ANKS1B: variants seen among roughly 807,000 people sequenced by gnomAD.
ANKS1B encodes ankyrin repeat and sterile alpha motif domain-containing protein 1B.
A neutral mutation model predicts 148.3 loss-of-function variants in ANKS1B; 36 were observed. That is an observed-to-expected ratio of 0.24 (90% CI 0.19 to 0.32). The LOEUF (loss-of-function observed/expected upper bound fraction) is 0.32, where lower values mean the gene tolerates loss of function less well. ANKS1B is among the 10% of genes least tolerant of loss of function. ANKS1B has a pLI of 1.00. For synonymous variants in ANKS1B, 542 were observed against 560.8 expected (o/e 0.97, Z 0.47); for missense variants, 1,157 against 1,542.6 (o/e 0.75, Z 4.19).
intron 12 of ANKS1B, among the ~76,000 whole-genome samples, chr12:99,314,750 C>A (rs186579941): frequency 1.4e-4 from 22 of 152,220 alleles, no homozygotes; most frequent in African/African-American, 5.1e-4. Context: ...TTCCTTATAC[C>A]TTTTATAAAA....
chr12:99,611,185 T>G (rs950099994), intron 9 of ANKS1B, among the ~76,000 whole-genome samples: 10 of 152,130 alleles, frequency 6.6e-5, no homozygotes, highest in African/African-American at 2.4e-4. Flanking sequence ...CGTAATACTA[T>G]TTAGGCAATG....
chr12:99,091,748 AG>A (rs1281315874), intron 15 of ANKS1B, among the ~76,000 whole-genome samples: 3 of 152,116 alleles, frequency 2.0e-5, no homozygotes, highest in African/African-American at 7.2e-5. Context: ...TTACTGTGTC[AG>A]GCACTGTTCT....
At chr12:99,944,426 C>G (rs922897816) in intron 1 of ANKS1B, among the ~76,000 whole-genome samples, 1 of 152,184 alleles carries the variant, frequency 6.6e-6, no homozygotes, top group Admixed American at 6.5e-5. Context: ...TCAGGGTTCC[C>G]ATGAAAATCA....
chr12:99,494,827 C>T (rs548026070), intron 10 of ANKS1B, among the ~76,000 whole-genome samples: 9 of 151,178 alleles, frequency 6.0e-5, no homozygotes, highest in East Asian at 5.8e-4. Flanking sequence ...AAAGACCTGG[C>T]GCATAGAAGA....
intron 12 of ANKS1B, among the ~76,000 whole-genome samples, chr12:99,315,235 T>A (rs1287881705): frequency 2.8e-5 from 4 of 141,862 alleles, no homozygotes; most frequent in Non-Finnish European, 6.0e-5. Context: ...TGAGACTTCA[T>A]CTCAAAAAAA....
At chr12:99,439,017 T>C (rs1220946891) in intron 11 of ANKS1B, among the ~76,000 whole-genome samples, 2 of 151,808 alleles carry the variant, frequency 1.3e-5, no homozygotes, top group Admixed American at 6.6e-5. Flanking sequence ...ATTAAAATGG[T>C]AATATAAAAC....
At chr12:98,944,224 C>T (rs1386087050) in intron 17 of ANKS1B, among the ~76,000 whole-genome samples, 4 of 143,508 alleles carry the variant, frequency 2.8e-5, no homozygotes, top group East Asian at 2.1e-4. Context: ...CGCTTGAACC[C>T]GGGAGGCAGA....
intron 1 of ANKS1B, among the ~76,000 whole-genome samples, chr12:99,842,106 T>C (rs1262753110): frequency 1.3e-5 from 2 of 152,150 alleles, no homozygotes; most frequent in African/African-American, 2.4e-5. Context: ...GGCTGTGACA[T>C]TTCTACGGAG....
intron 15 of ANKS1B, among the ~76,000 whole-genome samples, chr12:99,144,850 G>T (rs991175437): frequency 1.3e-5 from 2 of 151,996 alleles, no homozygotes; most frequent in Non-Finnish European, 2.9e-5. Context: ...GTCCAGAATG[G>T]CTCCTTCCCT....
At chr12:99,835,114 A>G (rs1310876123) in intron 1 of ANKS1B, among the ~76,000 whole-genome samples, 1 of 152,008 alleles carries the variant, frequency 6.6e-6, no homozygotes, top group Non-Finnish European at 1.5e-5. Context: ...ACTGTCCTTT[A>G]GAAATACAAG....
intron 10 of ANKS1B, among the ~76,000 whole-genome samples, chr12:99,446,343 G>C (rs1160409431): frequency 2.0e-5 from 3 of 152,072 alleles, no homozygotes; most frequent in Non-Finnish European, 4.4e-5. Context: ...ACTTAATTCT[G>C]TAGGCAATGA....
intron 17 of ANKS1B, among the ~76,000 whole-genome samples, chr12:98,873,923 A>G (rs1052111509): frequency 6.6e-6 from 1 of 152,166 alleles, no homozygotes; most frequent in Non-Finnish European, 1.5e-5. Flanking sequence ...GGGGGAAAGG[A>G]TGTTATAAGT....
intron 17 of ANKS1B, among the ~76,000 whole-genome samples, chr12:98,934,053 G>T (rs2099816247): frequency 6.6e-6 from 1 of 151,930 alleles, no homozygotes; most frequent in Non-Finnish European, 1.5e-5. Flanking sequence ...TGTGCCTTTT[G>T]TGTCATACCC....
intron 1 of ANKS1B, among the ~76,000 whole-genome samples, chr12:99,971,442 T>C (rs1389388203): frequency 2.0e-5 from 3 of 152,146 alleles, no homozygotes; most frequent in East Asian, 1.9e-4. Flanking sequence ...AATATCTATA[T>C]AAAACAGAGA....
intron 12 of ANKS1B, among the ~76,000 whole-genome samples, chr12:99,381,470 G>T (rs941176369): frequency 2.0e-5 from 3 of 152,194 alleles, no homozygotes; most frequent in African/African-American, 7.2e-5. Context: ...GTACCTTTTA[G>T]GAAGAGACCA....
chr12:99,331,059 T>C (rs2087443004), intron 12 of ANKS1B, among the ~76,000 whole-genome samples: 1 of 152,032 alleles, frequency 6.6e-6, no homozygotes, highest in African/African-American at 2.4e-5. Flanking sequence ...GAAAAAAGCT[T>C]TGTAATCACT....
chr12:99,902,566 T>C (rs11110104), intron 1 of ANKS1B, among the ~76,000 whole-genome samples: 9,445 of 152,050 alleles, frequency 0.062, 333 homozygotes, highest in Middle Eastern at 0.16. Flanking sequence ...CTATTCAATA[T>C]AGTTAAGAGG....
chr12:99,208,128 CAA>C (rs2082903488), intron 14 of ANKS1B, among the ~76,000 whole-genome samples: 1 of 152,046 alleles, frequency 6.6e-6, no homozygotes, highest in Non-Finnish European at 1.5e-5. Context: ...GCCTAGAAAG[CAA>C]AGAGTCTGTA....
At chr12:98,778,178 A>G (rs994142811) in intron 24 of ANKS1B, among the ~76,000 whole-genome samples, 1 of 152,228 alleles carries the variant, frequency 6.6e-6, no homozygotes, top group Non-Finnish European at 1.5e-5. Context: ...CGATGAAAAC[A>G]TAAAATATGA....
Sources: allele counts gnomAD v4.1 joint callset (sites outside exome capture counted in the v4.1 genomes callset), GRCh38; gene constraint gnomAD v4.1.1; transcripts MANE v1.5; gene names NCBI Gene and HGNC (gene_info 2026-07-23, HGNC 2026-07-21).